The following TACR1 variants were observed in gnomAD, a reference collection of about 807,000 sequenced individuals.
The protein encoded by TACR1 is tachykinin receptor 1.
In TACR1, 25 loss-of-function variants were observed where a neutral mutation model predicts 35.8. The observed-to-expected ratio is 0.70, with a 90% CI of 0.51 to 0.98. The LOEUF (loss-of-function observed/expected upper bound fraction) is 0.98, where lower values mean the gene tolerates loss of function less well. Among genes scored for constraint, TACR1 ranks in the 50% least tolerant of loss-of-function variants. The probability of loss-of-function intolerance (pLI) is 0.00; values close to 1 mark genes in which losing one functional copy is unlikely to be tolerated. For synonymous variants in TACR1, 195 were observed against 206.7 expected (o/e 0.94, Z 0.48); for missense variants, 478 against 522.9 (o/e 0.91, Z 0.84).
intron 2 of TACR1, among the ~76,000 whole-genome samples, chr2:75,085,201 G>T (rs1463418752): frequency 1.3e-5 from 2 of 152,034 alleles, no homozygotes; most frequent in Non-Finnish European, 2.9e-5. Context: ...GCATCACAAG[G>T]TCCAAAGAAG....
chr2:75,118,002 C>G (rs1673897463), intron 2 of TACR1, among the ~76,000 whole-genome samples: 1 of 152,160 alleles, frequency 6.6e-6, no homozygotes, highest in Non-Finnish European at 1.5e-5. Context: ...ACCATTATGA[C>G]TCAGCTAGAG....
chr2:75,111,905 T>C (rs1239742855), intron 2 of TACR1, among the ~76,000 whole-genome samples: 1 of 151,902 alleles, frequency 6.6e-6, no homozygotes, highest in Non-Finnish European at 1.5e-5. Flanking sequence ...TTTTTTACAC[T>C]TTCTGATTTC....
intron 1 of TACR1, among the ~76,000 whole-genome samples, chr2:75,164,833 T>G (rs1419502077): frequency 1.3e-5 from 2 of 152,136 alleles, no homozygotes; most frequent in African/African-American, 4.8e-5. Flanking sequence ...TCTGCAGAGG[T>G]TGCTAACAAT....
intron 1 of TACR1, among the ~76,000 whole-genome samples, chr2:75,131,517 T>C (rs1056842528): frequency 3.3e-5 from 5 of 152,220 alleles, no homozygotes; most frequent in Non-Finnish European, 7.3e-5. Context: ...TAATTTGTTT[T>C]GGTACTAATA....
At chr2:75,195,428 T>C (rs1038789084) in intron 1 of TACR1, among the ~76,000 whole-genome samples, 12 of 149,200 alleles carry the variant, frequency 8.0e-5, no homozygotes, top group African/African-American at 2.5e-4. Flanking sequence ...TTTCCTTCCC[T>C]GACCCCACCC....
rs1313481278 is a variant in TACR1 at position 75,145,284 on chromosome 2, A to G, written c.390-24516T>C. ...TTTTATTTAATGGTGAAAATATCTT[A>G]AATGCAATGATGAAAAATAGAAGTG... On this transcript the variant is annotated intron_variant, in intron 1 of 4. Transcript: ENST00000305249. Among the ~76,000 whole-genome samples, 6 of 152,148 alleles carry G rather than the reference A, an allele frequency of 3.9e-5. No individual in the cohort carries two copies. In the East Asian group the frequency reaches 1.2e-3, roughly 29 times the overall value.
At position 75,049,522 on chromosome 2, in the gene TACR1, C is replaced by T. The variant is rs34117315; in HGVS notation, c.1134G>A (p.Ser378=). The change falls in exon 5 of 5, where the codon TCG becomes TCA. Residue 378 remains serine, a synonymous_variant. Transcript: ENST00000305249. ...EPEDGPKATP[S]SLDLTSNCSS... is the part of the protein sequence containing the mutation. ...AGCAGTTGGAGGTCAGGTCCAGGGA[C>T]GAGGGTGTGGCCTTGGGGCCGTCCT... 9.0e-3 allele frequency: 14,549 copies of T among 1,614,160 alleles called. 532 individuals carry two copies. The African/African-American group carries it at 0.092, about 10-fold the overall frequency.
chr2:75,161,219 T>C (rs966976457), intron 1 of TACR1, among the ~76,000 whole-genome samples: 6 of 151,974 alleles, frequency 3.9e-5, no homozygotes, highest in Non-Finnish European at 8.8e-5. Context: ...GAGAAGAATA[T>C]TAAAAAAGGA....
In TACR1 at chr2:75,179,953, A is replaced by G. The variant is rs1675522852; in HGVS notation, c.389+18593T>C. Among the ~76,000 whole-genome samples, 4 of 152,176 alleles carry G rather than the reference A, an allele frequency of 2.6e-5. No homozygotes were observed. In the South Asian group the frequency reaches 8.3e-4, roughly 32 times the overall value. On this transcript the variant is annotated intron_variant, in intron 1 of 4. Transcript: ENST00000305249. ...CTGCCCTGACTAATAATTGTGGTCT[A>G]TATGGCCTTCTTCTCTAGCCTCTAC...
chr2:75,050,177 T>C (rs1259469283), intron 4 of TACR1, among the ~76,000 whole-genome samples: 1 of 152,230 alleles, frequency 6.6e-6, no homozygotes, highest in East Asian at 1.9e-4. Context: ...ATCATGTTTC[T>C]TCAGTGTGCC....
chr2:75,057,647 G>A (rs951323207), intron 2 of TACR1, among the ~76,000 whole-genome samples: 51 of 152,218 alleles, frequency 3.4e-4, no homozygotes, highest in South Asian at 2.1e-4. Context: ...GAGACAGAAA[G>A]TAGATGAGAG....
At chr2:75,050,164 C>A (rs1672439181) in intron 4 of TACR1, among the ~76,000 whole-genome samples, 2 of 152,160 alleles carry the variant, frequency 1.3e-5, no homozygotes, top group African/African-American at 4.8e-5. Context: ...GGACTCTCTG[C>A]CAATCATGTT....
chr2:75,086,827 G>T (rs1673197140), intron 2 of TACR1, among the ~76,000 whole-genome samples: 2 of 152,218 alleles, frequency 1.3e-5, no homozygotes, highest in Non-Finnish European at 2.9e-5. Flanking sequence ...GACAGTGTCA[G>T]ATTCAGGTAC....
At chr2:75,134,324 C>T (rs369728210) in intron 1 of TACR1, among the ~76,000 whole-genome samples, 2 of 152,254 alleles carry the variant, frequency 1.3e-5, no homozygotes, top group South Asian at 4.2e-4. Context: ...TTTTTCCTGT[C>T]CTGCTTTTTA....
rs200895092 is a variant in TACR1 at position 75,198,680 on chromosome 2, A to G, written c.255T>C (p.Asn85=). 4 of 1,614,218 alleles carry G rather than the reference A, an allele frequency of 2.5e-6. No homozygotes were observed. The highest frequency in any genetic ancestry group is 3.4e-6 in the Non-Finnish European group (4 of 1,180,034). The part of the protein sequence containing the change: ...AFAEASMAAF[N]TVVNFTYAVH... The stretch of plus-strand genomic sequence containing the variant: ...CAGCATAGGTGAAGTTCACCACTGT[A>G]TTGAATGCAGCCATGGAGGCCTCCG... Residue 85 remains asparagine, a synonymous_variant, in exon 1 of 5, where the codon AAT becomes AAC. Coordinates refer to ENST00000305249, the MANE Select transcript of TACR1 (RefSeq NM_001058.4).
intron 2 of TACR1, among the ~76,000 whole-genome samples, chr2:75,094,660 T>C (rs1003684674): frequency 6.6e-6 from 1 of 150,870 alleles, no homozygotes; most frequent in Non-Finnish European, 1.5e-5. Flanking sequence ...ATGATGGTGG[T>C]GATAGAGGTG....
At chr2:75,130,743 A>G (rs1475229097) in intron 1 of TACR1, among the ~76,000 whole-genome samples, 2 of 151,890 alleles carry the variant, frequency 1.3e-5, no homozygotes, top group East Asian at 3.9e-4. Context: ...CAAAAGACAC[A>G]CATCTGCTGA....
intron 1 of TACR1, among the ~76,000 whole-genome samples, chr2:75,129,447 C>G (rs558932306): frequency 6.6e-6 from 1 of 152,134 alleles, no homozygotes; most frequent in Admixed American, 6.5e-5. Flanking sequence ...TTTCTTTTAG[C>G]TATTTGAAAA....
chr2:75,160,718 G>A (rs1674986864), intron 1 of TACR1, among the ~76,000 whole-genome samples: 1 of 146,662 alleles, frequency 6.8e-6, no homozygotes, highest in Non-Finnish European at 1.5e-5. Flanking sequence ...GGGAAATAGG[G>A]ATTCCTGGAC....
Sources: allele counts gnomAD v4.1 joint callset (sites outside exome capture counted in the v4.1 genomes callset), GRCh38; gene constraint gnomAD v4.1.1; transcripts MANE v1.5; gene names NCBI Gene and HGNC (gene_info 2026-07-23, HGNC 2026-07-21).